The following ANGPT1 variants were observed in gnomAD, a reference collection of about 807,000 sequenced individuals.
ANGPT1 encodes angiopoietin-1.
Under a neutral mutation model 62.2 loss-of-function variants are expected in ANGPT1, and 17 were observed. The ratio of observed to expected loss-of-function variants is 0.27; its 90% CI spans 0.19 to 0.41. The LOEUF is 0.41. Ranked by LOEUF, ANGPT1 falls within the 10% of genes least tolerant of loss-of-function variation. ANGPT1 has a pLI of 1.00. For synonymous variants in ANGPT1, 199 were observed against 198.9 expected (o/e 1.00, Z 0.00); for missense variants, 478 against 594.9 (o/e 0.80, Z 2.04).
chr8:107,456,201 C>G (rs891820681), intron 1 of ANGPT1, among the ~76,000 whole-genome samples: 9 of 152,070 alleles, frequency 5.9e-5, no homozygotes, highest in African/African-American at 2.2e-4. Context: ...AACGTTAAAA[C>G]AGAAAGCTGG....
chr8:107,474,784 C>T (rs891122032), intron 1 of ANGPT1, among the ~76,000 whole-genome samples: 5 of 152,124 alleles, frequency 3.3e-5, no homozygotes, highest in African/African-American at 9.7e-5. Flanking sequence ...TTCTTATACA[C>T]CAATGGTAGA....
chr8:107,312,320 C>T (rs988352398), intron 4 of ANGPT1, among the ~76,000 whole-genome samples: 24 of 152,024 alleles, frequency 1.6e-4, no homozygotes, highest in Admixed American at 5.2e-4. Context: ...TTCAGCCTGG[C>T]TAAAATATAT....
chr8:107,432,293 G>C (rs1207216239), intron 1 of ANGPT1, among the ~76,000 whole-genome samples: 1 of 152,116 alleles, frequency 6.6e-6, no homozygotes, highest in Non-Finnish European at 1.5e-5. Flanking sequence ...TAAGAGTCAG[G>C]TAAGACAATA....
At chr8:107,252,589 C>T (rs909624043) in intron 8 of ANGPT1, among the ~76,000 whole-genome samples, 11 of 152,124 alleles carry the variant, frequency 7.2e-5, no homozygotes, top group African/African-American at 2.4e-4. Context: ...TTTTAATTAA[C>T]GTACCCTCTC....
chr8:107,265,973 G>C (rs113118367), intron 7 of ANGPT1, among the ~76,000 whole-genome samples: 24 of 152,128 alleles, frequency 1.6e-4, no homozygotes, highest in African/African-American at 4.8e-4. Context: ...CCAGAGCAAA[G>C]TATACAAGTA....
chr8:107,282,491 T>C (rs1033551367), intron 7 of ANGPT1, among the ~76,000 whole-genome samples: 4 of 143,640 alleles, frequency 2.8e-5, no homozygotes, highest in Non-Finnish European at 4.5e-5. Flanking sequence ...TGTGTGAGGC[T>C]TGAAGAGTTC....
chr8:107,475,463 G>T (rs1324802154), intron 1 of ANGPT1, among the ~76,000 whole-genome samples: 1 of 152,108 alleles, frequency 6.6e-6, no homozygotes, highest in African/African-American at 2.4e-5. Context: ...TTAACCATTA[G>T]ACCTAAAACC....
intron 6 of ANGPT1, among the ~76,000 whole-genome samples, chr8:107,285,972 G>C (rs1814130893): frequency 1.3e-5 from 2 of 152,060 alleles, no homozygotes; most frequent in Non-Finnish European, 2.9e-5. Flanking sequence ...AGAAAGGAAA[G>C]GATAGAGGAA....
chr8:107,472,711 AG>A (rs1812395924), intron 1 of ANGPT1, among the ~76,000 whole-genome samples: 1 of 151,928 alleles, frequency 6.6e-6, no homozygotes, highest in Non-Finnish European at 1.5e-5. Flanking sequence ...AAACAGGTAA[AG>A]CAGCCTGCTC....
At chr8:107,323,870 C>T (rs1338236853) in intron 3 of ANGPT1, among the ~76,000 whole-genome samples, 7 of 152,112 alleles carry the variant, frequency 4.6e-5, no homozygotes, top group Non-Finnish European at 1.0e-4. Context: ...AGTTCCGCCT[C>T]CTGGGTTCAC....
chr8:107,366,327 C>T (rs536443364), intron 1 of ANGPT1, among the ~76,000 whole-genome samples: 2 of 152,232 alleles, frequency 1.3e-5, no homozygotes, highest in African/African-American at 4.8e-5. Flanking sequence ...CTAATTCCTA[C>T]TCATTCAAAT....
At chr8:107,282,350 G>C (rs1040381484) in intron 7 of ANGPT1, among the ~76,000 whole-genome samples, 2 of 151,238 alleles carry the variant, frequency 1.3e-5, no homozygotes, top group Non-Finnish European at 2.9e-5. Flanking sequence ...CATTGAATGA[G>C]GCAGGAGTTA....
intron 8 of ANGPT1, among the ~76,000 whole-genome samples, chr8:107,261,330 A>G (rs1362901200): frequency 6.6e-6 from 1 of 152,056 alleles, no homozygotes; most frequent in Non-Finnish European, 1.5e-5. Flanking sequence ...CTGAGGGAGG[A>G]GTCATAAAAT....
chr8:107,449,463 G>C (rs1811707984), intron 1 of ANGPT1, among the ~76,000 whole-genome samples: 2 of 151,044 alleles, frequency 1.3e-5, no homozygotes, highest in South Asian at 4.2e-4. Context: ...AAATTTACTG[G>C]GAGAGCAGGT....
rs78517368 is a variant in ANGPT1 at position 107,267,859 on chromosome 8, T to C, written c.1206-3508A>G. ...TGCTCCAGCCTTACCCACTCACTTA[T>C]TCCCTCTAAGCAACACTCTTATTTC... On this transcript the variant is annotated intron_variant, in intron 7 of 8. Transcript: ENST00000517746. Among the ~76,000 whole-genome samples, 408 of 151,976 alleles carry C rather than the reference T, an allele frequency of 2.7e-3. 1 individual carries two copies. Among genetic ancestry groups the C allele is most frequent in the African/African-American group, 9.6e-3 (398 of 41,512 alleles).
intron 6 of ANGPT1, 38 bp from the exon 7 acceptor site, chr8:107,284,886 G>C (rs912279199): frequency 7.1e-7 from 1 of 1,406,006 alleles, no homozygotes; most frequent in Non-Finnish European, 9.5e-7. Context: ...TTACTTTAGA[G>C]AGGAATTCTT....
chr8:107,471,989 T>C (rs1812371596), intron 1 of ANGPT1, among the ~76,000 whole-genome samples: 1 of 152,084 alleles, frequency 6.6e-6, no homozygotes, highest in Non-Finnish European at 1.5e-5. Flanking sequence ...CCACACTACA[T>C]TTACTTATTA....
At chr8:107,438,296 A>T (rs920062193) in intron 1 of ANGPT1, among the ~76,000 whole-genome samples, 2 of 149,960 alleles carry the variant, frequency 1.3e-5, no homozygotes, top group East Asian at 2.0e-4. Context: ...TGATATCATC[A>T]TCTTCTTCTT....
In ANGPT1 at chr8:107,468,924, C is replaced by G. The variant is rs149354732; in HGVS notation, c.297+28338G>C. ...CCAATGGTAAAAAAGAGAATAGTAA[C>G]TATAGTTGCATGCTTGAAGCAAGAA... On this transcript the variant is annotated intron_variant, in intron 1 of 8. Transcript: ENST00000517746. 1.1e-3 allele frequency among the ~76,000 whole-genome samples: 166 copies of G among 152,096 alleles called. 1 individual carries two copies. Among genetic ancestry groups the G allele is most frequent in the African/African-American group, 3.8e-3 (158 of 41,550 alleles).
Sources: gnomAD v4.1 joint callset for allele counts (sites outside exome capture counted in the v4.1 genomes callset) on GRCh38, gnomAD v4.1.1 for gene constraint, MANE v1.5 for transcripts, NCBI Gene and HGNC (gene_info 2026-07-23, HGNC 2026-07-21) for gene names.